USO1: variants seen among roughly 807,000 people sequenced by gnomAD.
USO1 encodes the protein general vesicular transport factor p115.
Under a neutral mutation model 124.5 loss-of-function variants are expected in USO1, and 57 were observed. The ratio of observed to expected loss-of-function variants is 0.46; its 90% CI spans 0.37 to 0.57. The LOEUF is 0.57. USO1 is among the 20% of genes least tolerant of loss of function. The pLI, the probability that USO1 is intolerant of heterozygous loss-of-function variation, is 0.00. For synonymous variants in USO1, 369 were observed against 362.8 expected, an observed-to-expected ratio of 1.02 and a Z score of -0.19; for missense variants, 900 against 1,040.6, an observed-to-expected ratio of 0.86 and a Z score of 1.86.
intron 1 of USO1, among the ~76,000 whole-genome samples, chr4:75,746,013 TTGTC>T (rs1464809911): frequency 1.3e-5 from 2 of 152,214 alleles, no homozygotes; most frequent in South Asian, 2.1e-4. Context: ...ATTTATGTCT[TTGTC>T]TGATAAAAGT....
intron 1 of USO1, among the ~76,000 whole-genome samples, chr4:75,725,220 C>T (rs1036578452): frequency 5.9e-5 from 9 of 152,204 alleles, no homozygotes; most frequent in Admixed American, 2.0e-4. Flanking sequence ...CCTCCCACGC[C>T]CCTCGGGGCC....
chr4:75,799,915 T>C (rs1722795528), intron 14 of USO1, among the ~76,000 whole-genome samples, 183 bp downstream of exon 14: 1 of 152,118 alleles, frequency 6.6e-6, no homozygotes, highest in Non-Finnish European at 1.5e-5. Context: ...GTGGTTTGTT[T>C]TATGCCGGGT....
At chr4:75,728,761 C>CT (rs778834954) in intron 1 of USO1, among the ~76,000 whole-genome samples, 4 of 152,146 alleles carry the variant, frequency 2.6e-5, no homozygotes, top group Non-Finnish European at 5.9e-5. Context: ...CCACATTAAA[C>CT]TTTTTCTGTT....
intron 1 of USO1, among the ~76,000 whole-genome samples, chr4:75,742,230 G>T (rs908568850): frequency 6.6e-6 from 1 of 152,094 alleles, no homozygotes; most frequent in Admixed American, 6.5e-5. Flanking sequence ...GTACACAATT[G>T]TCTGTGCCAT....
At chr4:75,795,454 T>C (rs1722651611) in intron 13 of USO1, 4 of 679,698 alleles carry the variant, frequency 5.9e-6, no homozygotes, top group Non-Finnish European at 1.1e-5. Flanking sequence ...AACTGCTTGT[T>C]TGAAGTTACA....
chr4:75,803,669 A>C (rs1722917314), intron 17 of USO1, among the ~76,000 whole-genome samples: 1 of 151,692 alleles, frequency 6.6e-6, no homozygotes, highest in African/African-American at 2.4e-5. Flanking sequence ...AAAAAGAAAA[A>C]AAATACATCA....
intron 9 of USO1, among the ~76,000 whole-genome samples, chr4:75,786,696 C>T (rs1722372005): frequency 6.6e-6 from 1 of 152,160 alleles, no homozygotes; most frequent in Non-Finnish European, 1.5e-5. Context: ...GACCTGCTCT[C>T]TTACTAGGTA....
chr4:75,773,105 A>C (rs767263321), intron 7 of USO1, among the ~76,000 whole-genome samples: 1 of 152,168 alleles, frequency 6.6e-6, no homozygotes, highest in African/African-American at 2.4e-5. Context: ...TCTCAAAAAA[A>C]AATAATAATA....
Position 75,806,564 on chromosome 4 carries a change from T to G in USO1, c.2368T>G (p.Leu790Val). ...SARDSEQVAELKQELATLKSQ... is the reference protein window; with the variant it reads ...SARDSEQVAEVKQELATLKSQ... The stretch of plus-strand genomic sequence containing the variant: ...TAGAGATTCTGAACAAGTTGCAGAA[T>G]TAAAACAGGTAATTTTCCACTTTGA... Residue 790 changes from leucine (L) to valine (V), a missense_variant, in exon 20 of 24, where the codon TTA becomes GTA. Physicochemically the swap from Leu to Val is conservative, Grantham distance 32 (BLOSUM62 1). Coordinates refer to ENST00000514213, the MANE Select transcript of USO1 (RefSeq NM_003715.4). 6.4e-7 allele frequency: 1 copy of G among 1,554,048 alleles called. No homozygotes were observed.
At chr4:75,762,164 C>CTTTT (rs375866579) in intron 4 of USO1, among the ~76,000 whole-genome samples, 5 of 70,152 alleles carry the variant, frequency 7.1e-5, no homozygotes, top group Admixed American at 4.0e-4. Flanking sequence ...AACAATTTTA[C>CTTTT]TTTTTTTTTT....
intron 1 of USO1, among the ~76,000 whole-genome samples, chr4:75,726,320 C>T (rs1720457542): frequency 6.7e-6 from 1 of 148,654 alleles, no homozygotes; most frequent in Non-Finnish European, 1.5e-5. Context: ...GTAACTTGAC[C>T]AATGTCACAC....
rs71208100 is a variant in USO1, at chr4:75,759,246, C to CTTTTTTTT, written c.295+1684_295+1691dup. The stretch of plus-strand genomic sequence containing the variant: ...TAATAGAATCACTTTTATTAAGGAC[C>CTTTTTTTT]TTTTTTTTTTTTTTTTTTCTGAAAA... On this transcript the variant is annotated intron_variant, in intron 4 of 23. Transcript: ENST00000514213. Among the ~76,000 whole-genome samples the CTTTTTTTT allele has an allele frequency of 9.9e-3, 687 of 69,068 alleles. 157 individuals are homozygous for CTTTTTTTT. The highest frequency in any genetic ancestry group is 0.029 in the African/African-American group (456 of 15,488). The allele number at this position is 69,068 out of a possible 152,430, so 45.3% of individuals were successfully genotyped here.
Position 75,793,929 on chromosome 4 carries a change from C to G in USO1, c.1452+28C>G, listed in dbSNP as rs781343199. ...AAAGTTTTGCATAAGGGAAAAAGTT[C>G]TATACATTTTGATGTCAGTGATACA... On this transcript the variant is annotated intron_variant, in intron 13 of 23. Coordinates refer to ENST00000514213, the MANE Select transcript of USO1 (RefSeq NM_003715.4). 3 of 1,612,794 alleles carry G rather than the reference C, an allele frequency of 1.9e-6. No homozygotes were observed. The East Asian group carries it at 6.7e-5, about 36-fold the overall frequency.
chr4:75,804,043 C>G, intron 17 of USO1, 91 bp from the exon 18 acceptor site: 12 of 1,480,150 alleles, frequency 8.1e-6, no homozygotes, highest in Non-Finnish European at 1.1e-5. Context: ...GCATACTGTC[C>G]CAAAATGACC....
chr4:75,810,411 T>A, intron 21 of USO1, 21 bp from the exon 22 acceptor site: 2 of 1,589,270 alleles, frequency 1.3e-6, no homozygotes, highest in Non-Finnish European at 1.7e-6. Flanking sequence ...AGACATCTTT[T>A]TTTCCAATTT....
rs1157271980 is a variant in USO1 at position 75,813,395 on chromosome 4, G to A, written c.*100G>A. The A allele has an allele frequency of 7.7e-7, 1 of 1,292,834 alleles. No homozygotes were observed. The highest frequency in any genetic ancestry group is 1.0e-6 in the Non-Finnish European group (1 of 983,640). 80.1% of individuals were successfully genotyped at this position (1,292,834 alleles called of 1,614,324 possible). Reference sequence around the variant, plus strand: ...TGGAAAATAAAGATTTAGAAACCAGGTGGAAAACATTCACTATTAAGACTA... The same window carrying A: ...TGGAAAATAAAGATTTAGAAACCAGATGGAAAACATTCACTATTAAGACTA... On this transcript the variant is annotated 3_prime_UTR_variant, in exon 24 of 24. Transcript: ENST00000514213.
intron 12 of USO1, among the ~76,000 whole-genome samples, chr4:75,792,982 A>T (rs1722572956): frequency 6.6e-6 from 1 of 151,998 alleles, no homozygotes; most frequent in African/African-American, 2.4e-5. Context: ...TTGTTCTCAC[A>T]AGTAAGTGAG....
chr4:75,763,065 C>G (rs1363533482), intron 4 of USO1, among the ~76,000 whole-genome samples: 1 of 152,182 alleles, frequency 6.6e-6, no homozygotes, highest in African/African-American at 2.4e-5. Flanking sequence ...TTCTTTTCTT[C>G]ATAATATAGA....
chr4:75,728,737 A>G (rs559620039), intron 1 of USO1, among the ~76,000 whole-genome samples: 2 of 152,234 alleles, frequency 1.3e-5, no homozygotes, highest in Admixed American at 1.3e-4. Flanking sequence ...GATATTTTAA[A>G]TTCAGAATTT....
Sources: gnomAD v4.1 joint callset for allele counts (sites outside exome capture counted in the v4.1 genomes callset) on GRCh38, gnomAD v4.1.1 for gene constraint, MANE v1.5 for transcripts, NCBI Gene and HGNC (gene_info 2026-07-23, HGNC 2026-07-21) for gene names.